The following PCDHGA3 variants were observed in gnomAD, a reference collection of about 807,000 sequenced individuals.
PCDHGA3 encodes the protein protocadherin gamma subfamily A, 3.
A neutral mutation model predicts 58.5 loss-of-function variants in PCDHGA3; 40 were observed. That is an observed-to-expected ratio of 0.68 (90% CI 0.53 to 0.89). The LOEUF is 0.89. Ranked by LOEUF, PCDHGA3 falls within the 40% of genes least tolerant of loss-of-function variation. The probability of loss-of-function intolerance (pLI) is 0.00; values close to 1 mark genes in which losing one functional copy is unlikely to be tolerated. For synonymous variants in PCDHGA3, 530 were observed against 525.7 expected (o/e 1.01, Z -0.11); for missense variants, 1,223 against 1,195.9 (o/e 1.02, Z -0.33).
Position 141,489,592 on chromosome 5 carries a change from C to T in PCDHGA3, c.2425-5215C>T, listed in dbSNP as rs747085985. 1.3e-5 allele frequency: 21 copies of T among 1,613,928 alleles called. No individual in the cohort carries two copies. The East Asian group carries it at 1.6e-4, about 12-fold the overall frequency. ...GACTGAACACCCCCTGGAGCTAATC[C>T]GTGTAGAGGTAGAGATCCTGGATCT... is the stretch of plus-strand genomic sequence containing the variant. On this transcript the variant is annotated intron_variant, in intron 1 of 3. Transcript: ENST00000253812. This position sits in a 1 kb window ranked among gnomAD's most constrained non-coding sequence, Gnocchi z 4.5.
chr5:141,477,361 G>A lies in PCDHGA3; in HGVS notation c.2425-17446G>A. The A allele has an allele frequency of 6.2e-7, 1 of 1,614,172 alleles. No individual in the cohort carries two copies. The highest frequency in any genetic ancestry group is 8.5e-7 in the Non-Finnish European group (1 of 1,180,032). Reference sequence around the variant, plus strand: ...TCACTTTGAAAACCAGTGCAGACCTGGATCGGGAGACTGTGCCAGAATACA... The same window carrying A: ...TCACTTTGAAAACCAGTGCAGACCTAGATCGGGAGACTGTGCCAGAATACA... On this transcript the variant is annotated intron_variant, in intron 1 of 3. Coordinates refer to ENST00000253812, the MANE Select transcript of PCDHGA3 (RefSeq NM_018916.4). The surrounding 1 kb of genome is among the most constrained non-coding windows in gnomAD (Gnocchi z 4.9).
chr5:141,361,757 C>T (rs1160428745), intron 1 of PCDHGA3: 2 of 1,613,096 alleles, frequency 1.2e-6, no homozygotes, highest in Non-Finnish European at 8.5e-7. Context: ...GGCTCGCCCG[C>T]GCTCAGCGCC....
chr5:141,344,415 G>A lies in PCDHGA3; in HGVS notation c.382G>A (p.Asp128Asn), dbSNP rs1757415188. ...EVEIEIKDIN[D>N]NAPNFPTEEL... is the part of the protein sequence containing the mutation. ...AGAAATAGAAATTAAAGATATTAAT[G>A]ATAATGCTCCTAATTTCCCAACAGA... is the stretch of plus-strand genomic sequence containing the variant. Residue 128 changes from aspartate (D) to asparagine (N), a missense_variant, in exon 1 of 4, where the codon GAT becomes AAT. Transcript: ENST00000253812. 1.2e-6 allele frequency: 2 copies of A among 1,612,288 alleles called. No homozygotes were observed. Among genetic ancestry groups the A allele is most frequent in the Non-Finnish European group, 1.7e-6 (2 of 1,179,016 alleles).
intron 1 of PCDHGA3, chr5:141,422,092 G>T: frequency 6.2e-7 from 1 of 1,611,520 alleles, no homozygotes; most frequent in Non-Finnish European, 8.5e-7. Context: ...GGAAAGCAAG[G>T]CTTCTGAAAT....
At chr5:141,354,578 T>C (rs1206175122) in intron 1 of PCDHGA3, among the ~76,000 whole-genome samples, 1 of 152,230 alleles carries the variant, frequency 6.6e-6, no homozygotes, top group African/African-American at 2.4e-5. Flanking sequence ...ACTGCATAAA[T>C]TGGGACTAAA....
intron 1 of PCDHGA3, chr5:141,350,430 G>C (rs769353290): frequency 3.1e-6 from 5 of 1,610,124 alleles, no homozygotes; most frequent in Non-Finnish European, 4.2e-6. Flanking sequence ...CTCAGTGTCC[G>C]GGAGTTGCCA....
At chr5:141,441,340 C>T (rs2098240395) in intron 1 of PCDHGA3, 1 of 152,330 alleles carries the variant, frequency 6.6e-6, no homozygotes, top group Non-Finnish European at 1.5e-5. Flanking sequence ...CAATAATTAA[C>T]TACATGCTTG....
chr5:141,490,363 C>A lies in PCDHGA3; in HGVS notation c.2425-4444C>A. The A allele has an allele frequency of 6.2e-7, 1 of 1,614,154 alleles. No individual in the cohort carries two copies. Among genetic ancestry groups the A allele is most frequent in the South Asian group, 1.1e-5 (1 of 91,078 alleles). On this transcript the variant is annotated intron_variant, in intron 1 of 3. Coordinates refer to ENST00000253812, the MANE Select transcript of PCDHGA3 (RefSeq NM_018916.4). The surrounding 1 kb of genome is among the most constrained non-coding windows in gnomAD (Gnocchi z 5.4). Reference sequence around the variant, plus strand: ...CACAGTAGTGGGGTTGTTTAATGTGCGAGACCGGGACTCAGGTAGAAATGG... The same window carrying A: ...CACAGTAGTGGGGTTGTTTAATGTGAGAGACCGGGACTCAGGTAGAAATGG...
At chr5:141,439,780 T>G (rs1023743000) in intron 1 of PCDHGA3, 1 of 152,228 alleles carries the variant, frequency 6.6e-6, no homozygotes, top group African/African-American at 2.4e-5. Context: ...TGGCTGGAGA[T>G]TCTATAATCC....
chr5:141,400,630 A>G, intron 1 of PCDHGA3: 8 of 1,394,666 alleles, frequency 5.7e-6, no homozygotes, highest in East Asian at 2.3e-5. Flanking sequence ...TAGGGAAGTC[A>G]GAGCTGCTCA....
intron 1 of PCDHGA3, chr5:141,418,790 G>A (rs1434374059): frequency 2.5e-6 from 4 of 1,613,758 alleles, no homozygotes; most frequent in Admixed American, 3.3e-5. Flanking sequence ...GGATTTTGAA[G>A]AAGTAGAAAG....
Position 141,487,856 on chromosome 5 carries a change from T to C in PCDHGA3, c.2425-6951T>C. The C allele has an allele frequency of 2.0e-6, 2 of 977,364 alleles. No homozygotes were observed. The highest frequency in any genetic ancestry group is 3.0e-6 in the Non-Finnish European group (2 of 671,858). 60.5% of individuals were successfully genotyped at this position (977,364 alleles called of 1,614,324 possible). A position where few individuals can be genotyped will look rare whatever the true frequency, so the allele number is the denominator to read the frequency against. Reference sequence around the variant, plus strand: ...ATATCTGAGTAAGAAATGAAAGTAATTGGTGATCAAGAGCCAGGCTGTTGT... The same window carrying C: ...ATATCTGAGTAAGAAATGAAAGTAACTGGTGATCAAGAGCCAGGCTGTTGT... On this transcript the variant is annotated intron_variant, in intron 1 of 3. Transcript: ENST00000253812. The surrounding 1 kb of genome is among the most constrained non-coding windows in gnomAD (Gnocchi z 5.0).
intron 1 of PCDHGA3, chr5:141,357,532 A>G (rs1473543318): frequency 3.1e-6 from 5 of 1,614,096 alleles, no homozygotes; most frequent in Non-Finnish European, 4.2e-6. Context: ...CTATGCAGAC[A>G]CGCTCATCAG....
chr5:141,409,282 A>G (rs769745022), intron 1 of PCDHGA3: 1 of 1,613,958 alleles, frequency 6.2e-7, no homozygotes, highest in East Asian at 2.2e-5. Context: ...TGGAGAATTC[A>G]CCTCCAGGAA....
chr5:141,381,823 CTTCTTT>C (rs1777514301), intron 1 of PCDHGA3, among the ~76,000 whole-genome samples: 1 of 101,610 alleles, frequency 9.8e-6, no homozygotes, highest in African/African-American at 4.3e-5. Flanking sequence ...TTTCTTTCTT[CTTCTTT>C]TTTTTTTTTT....
chr5:141,430,637 G>A (rs2097298854), intron 1 of PCDHGA3: 1 of 890,676 alleles, frequency 1.1e-6, no homozygotes, highest in Admixed American at 2.8e-5. Context: ...ACCATCCCTG[G>A]GAGTATGTGG....
In PCDHGA3 at chr5:141,344,234, C is replaced by T. The variant is rs949298138; in HGVS notation, c.201C>T (p.Val67=). The T allele has an allele frequency of 5.0e-6, 8 of 1,614,066 alleles. No individual in the cohort carries two copies. Among genetic ancestry groups the T allele is most frequent in the Admixed American group, 1.7e-5 (1 of 60,034 alleles). Residue 67 remains valine (V), a synonymous_variant, in exon 1 of 4, where the codon GTC becomes GTT. Coordinates refer to ENST00000253812, the MANE Select transcript of PCDHGA3 (RefSeq NM_018916.4). ...TGGCGGAGCGCGGAGTCCGCATCGTCTCCAGAGGTAGGACGCAGCTTTTCT... is the reference window on the plus strand; with the variant it reads ...TGGCGGAGCGCGGAGTCCGCATCGTTTCCAGAGGTAGGACGCAGCTTTTCT... ...RELAERGVRI[V]SRGRTQLFSL...
rs554845172 is a variant in PCDHGA3 at position 141,485,584 on chromosome 5, G to A, written c.2425-9223G>A. Reference sequence around the variant, plus strand: ...ACGCCCCCCGTTTTCCGCGGCAGCAGCTGGACTTGGAAATTGGGGAGGCAG... The same window carrying A: ...ACGCCCCCCGTTTTCCGCGGCAGCAACTGGACTTGGAAATTGGGGAGGCAG... On this transcript the variant is annotated intron_variant, in intron 1 of 3. Transcript: ENST00000253812. The surrounding 1 kb of genome is among the most constrained non-coding windows in gnomAD (Gnocchi z 5.7). The A allele has an allele frequency of 2.9e-5, 46 of 1,612,498 alleles. 1 individual carries two copies. The South Asian group carries it at 4.5e-4, about 16-fold the overall frequency.
At position 141,408,935 on chromosome 5, in the gene PCDHGA3, G is replaced by A. The variant is rs773802276; in HGVS notation, c.2424+62478G>A. 6.8e-6 allele frequency: 11 copies of A among 1,613,590 alleles called. No homozygotes were observed. Among genetic ancestry groups the A allele is most frequent in the Non-Finnish European group, 9.3e-6 (11 of 1,179,752 alleles). ...TGATAACCCCCCGGTTTTCAGCAGAGACGAATATAGAATTAGTCTTAGTGA... is the reference window on the plus strand; with the variant it reads ...TGATAACCCCCCGGTTTTCAGCAGAAACGAATATAGAATTAGTCTTAGTGA... On this transcript the variant is annotated intron_variant, in intron 1 of 3. Coordinates refer to ENST00000253812, the MANE Select transcript of PCDHGA3 (RefSeq NM_018916.4).
Sources: allele counts gnomAD v4.1 joint callset (sites outside exome capture counted in the v4.1 genomes callset), GRCh38; gene constraint gnomAD v4.1.1; non-coding constraint Gnocchi (gnomAD v3.1); transcripts MANE v1.5; gene names NCBI Gene and HGNC (gene_info 2026-07-23, HGNC 2026-07-21).